Variants in MMRN1 observed in about 807,000 individuals in gnomAD.
MMRN1 encodes the protein multimerin-1.
MMRN1 carries 94 observed loss-of-function variants against 100.7 expected under a neutral mutation model. That is an observed-to-expected ratio of 0.93 (90% CI 0.79 to 1.11). The LOEUF (loss-of-function observed/expected upper bound fraction) is 1.11. Among genes scored for constraint, MMRN1 ranks in the 50% least tolerant of loss-of-function variants. MMRN1 has a pLI of 0.00. For synonymous variants in MMRN1, 575 were observed against 505.0 expected, an observed-to-expected ratio of 1.14 and a Z score of -1.86; for missense variants, 1,606 against 1,439.1, an observed-to-expected ratio of 1.12 and a Z score of -1.88.
chr4:89,886,336 T>C (rs1410166033), intron 1 of MMRN1, among the ~76,000 whole-genome samples: 5 of 152,188 alleles, frequency 3.3e-5, no homozygotes, highest in African/African-American at 4.8e-5. Context: ...TATTGTTTCA[T>C]TTAAAATATT....
In MMRN1 at chr4:89,953,397, CTATTTAT is replaced by C; in HGVS notation, c.3670_3676del (p.Leu1224IlefsTer7). 2 of 1,607,732 alleles carry C rather than the reference CTATTTAT, an allele frequency of 1.2e-6. No individual in the cohort carries two copies. Among genetic ancestry groups the C allele is most frequent in the Non-Finnish European group, 1.7e-6 (2 of 1,177,454 alleles). ...TTCCCCCTGTTACTACATTTAGTGG[CTATTTAT>C]TATATCGTACATAAGTTAGTATGAA... is the stretch of plus-strand genomic sequence containing the variant. On this transcript the variant is annotated frameshift_variant, in exon 8 of 8. Transcript: ENST00000264790. LOFTEE classifies it high-confidence loss of function.
intron 6 of MMRN1, among the ~76,000 whole-genome samples, chr4:89,941,677 C>A (rs1481072959): frequency 1.3e-5 from 2 of 152,104 alleles, no homozygotes; most frequent in African/African-American, 4.8e-5. Flanking sequence ...GGAGAGAAGT[C>A]AAGTTCCCAG....
chr4:89,890,965 C>T (rs1302153876), upstream of MMRN1, among the ~76,000 whole-genome samples: 1 of 151,850 alleles, frequency 6.6e-6, no homozygotes, highest in African/African-American at 2.4e-5. Context: ...TTCCTGCCAG[C>T]CCACTCAAAC....
At position 89,895,559 on chromosome 4, in the gene MMRN1, C is replaced by A. The variant is rs1299658681; in HGVS notation, c.588C>A (p.Asp196Glu). Residue 196 changes from aspartate to glutamate, a missense_variant, in exon 1 of 8, where the codon GAC (aspartate) becomes GAA (glutamate). Asp to Glu is a conservative substitution (Grantham distance 45, BLOSUM62 2). Coordinates refer to ENST00000264790, the MANE Select transcript of MMRN1 (RefSeq NM_007351.3). ...ACAGCAGTTCCAGCCAAAGAACTGA[C>A]TACCAAAAATCAAATTTCGAAACAA... is the stretch of plus-strand genomic sequence containing the variant. Reference protein sequence around the residue: ...RGDSSSSQRTDYQKSNFETTR... With the variant: ...RGDSSSSQRTEYQKSNFETTR... 6.2e-7 allele frequency: 1 copy of A among 1,613,484 alleles called. No individual in the cohort carries two copies. The highest frequency in any genetic ancestry group is 8.5e-7 in the Non-Finnish European group (1 of 1,179,764).
chr4:89,892,906 C>T (rs918131010), upstream of MMRN1, among the ~76,000 whole-genome samples: 2 of 151,978 alleles, frequency 1.3e-5, no homozygotes, highest in Non-Finnish European at 2.9e-5. Flanking sequence ...ATTATTTTGG[C>T]AGTTTTGTAA....
intron 4 of MMRN1, among the ~76,000 whole-genome samples, chr4:89,924,953 T>A (rs1462016315): frequency 1.3e-5 from 2 of 152,164 alleles, no homozygotes; most frequent in African/African-American, 4.8e-5. Flanking sequence ...CAATGTGTAA[T>A]AATCACATAA....
chr4:89,936,770 A>G lies in MMRN1; in HGVS notation c.3090A>G (p.Gln1030=). ...CCACAGTCCTGATAGGCCGGACTCA[A>G]AGAAACACGGACAACATAATATATC... ...NLTTVLIGRT[Q]RNTDNIIYPE... is the part of the protein sequence containing the mutation. Residue 1030 remains glutamine (Q), a synonymous_variant, in exon 6 of 8, where the codon CAA becomes CAG. Transcript: ENST00000264790. 6.2e-7 allele frequency: 1 copy of G among 1,602,016 alleles called. No homozygotes were observed. The highest frequency in any genetic ancestry group is 2.2e-5 in the East Asian group (1 of 44,808).
chr4:89,928,098 TTAA>T (rs1722324483), intron 5 of MMRN1, 130 bp downstream of exon 5: 1 of 629,814 alleles, frequency 1.6e-6, no homozygotes, highest in Non-Finnish European at 2.6e-6. Context: ...AAGATTTTTT[TTAA>T]TGAGATATAA....
intron 6 of MMRN1, among the ~76,000 whole-genome samples, chr4:89,942,208 CTACTTCCCAACAA>C (rs1242458843): frequency 3.9e-5 from 6 of 152,164 alleles, no homozygotes; most frequent in African/African-American, 1.4e-4. Context: ...ATCACAGGAG[CTACTTCCCAACAA>C]TAGACGATTT....
chr4:89,916,870 T>C (rs1439391747), intron 3 of MMRN1, among the ~76,000 whole-genome samples: 1 of 151,826 alleles, frequency 6.6e-6, no homozygotes, highest in Non-Finnish European at 1.5e-5. Flanking sequence ...TCTCAAATTC[T>C]TTTGACCCTG....
At chr4:89,887,656 T>A (rs1045180092) in intron 1 of MMRN1, among the ~76,000 whole-genome samples, 1 of 152,078 alleles carries the variant, frequency 6.6e-6, no homozygotes, top group Non-Finnish European at 1.5e-5. Context: ...ACATTGATTT[T>A]TAAACTACAT....
intron 3 of MMRN1, among the ~76,000 whole-genome samples, chr4:89,915,606 A>G (rs892094574): frequency 2.6e-5 from 4 of 151,538 alleles, no homozygotes; most frequent in African/African-American, 9.7e-5. Context: ...AATTAAAAAA[A>G]AAAGCATCTA....
chr4:89,936,516 C>T lies in MMRN1; in HGVS notation c.2836C>T (p.Pro946Ser). The T allele has an allele frequency of 1.9e-6, 3 of 1,613,122 alleles. No homozygotes were observed. The highest frequency in any genetic ancestry group is 2.5e-6 in the Non-Finnish European group (3 of 1,179,666). ...TSVSELNATI[P>S]KWIKHSLPDI... ...TGTGTCAGAACTGAATGCTACCATC[C>T]CTAAGTGGATAAAACATTCCCTGCC... is the stretch of plus-strand genomic sequence containing the variant. Residue 946 changes from proline (P) to serine (S), a missense_variant, in exon 6 of 8, where the codon CCT becomes TCT. By Grantham distance (74) the Pro-to-Ser change is moderately conservative. Transcript: ENST00000264790.
In MMRN1 at chr4:89,935,743, T is replaced by C. The variant is rs199686457; in HGVS notation, c.2063T>C (p.Leu688Pro). 1.6e-5 allele frequency: 25 copies of C among 1,611,768 alleles called. No homozygotes were observed. In the Admixed American group the frequency reaches 4.2e-4, roughly 27 times the overall value. ...AATCTGACTAGTGCTGTCAATAGTC[T>C]AAATTTTATTATCAAAGAACTTACA... The part of the protein sequence containing the change: ...IENLTSAVNS[L>P]NFIIKELTKR... Residue 688 changes from leucine (L) to proline (P), a missense_variant, in exon 6 of 8, where the codon CTA becomes CCA. Transcript: ENST00000264790.
At chr4:89,944,710 G>T (rs1722934344) in intron 6 of MMRN1, among the ~76,000 whole-genome samples, 1 of 152,100 alleles carries the variant, frequency 6.6e-6, no homozygotes, top group Non-Finnish European at 1.5e-5. Flanking sequence ...AAATCAAAGA[G>T]CAGGGAGATT....
chr4:89,912,698 A>G (rs1721793367), intron 3 of MMRN1, among the ~76,000 whole-genome samples: 1 of 151,250 alleles, frequency 6.6e-6, no homozygotes, highest in Non-Finnish European at 1.5e-5. Context: ...ATCAGCATAC[A>G]TATTTTAAAT....
intron 6 of MMRN1, 85 bp from the exon 7 acceptor site, chr4:89,951,520 C>T: frequency 1.5e-6 from 2 of 1,354,778 alleles, no homozygotes; most frequent in Non-Finnish European, 1.9e-6. Flanking sequence ...AGTCTTTTTC[C>T]TATTCTGCTG....
Position 89,935,774 on chromosome 4 carries a change from A to G in MMRN1, c.2094A>G (p.Arg698=), listed in dbSNP as rs1722606278. 2 of 1,612,732 alleles carry G rather than the reference A, an allele frequency of 1.2e-6. No homozygotes were observed. Among genetic ancestry groups the G allele is most frequent in the Non-Finnish European group, 1.7e-6 (2 of 1,179,518 alleles). The part of the protein sequence containing the change: ...LNFIIKELTK[R]HNLLRNEVQG... The stretch of plus-strand genomic sequence containing the variant: ...TTATTATCAAAGAACTTACAAAAAG[A>G]CACAACTTACTTAGAAATGAAGTAC... Residue 698 remains arginine (R), a synonymous_variant, in exon 6 of 8, where the codon AGA becomes AGG. Transcript: ENST00000264790.
At chr4:89,952,902 C>CT (rs1431054277) in intron 7 of MMRN1, 95 bp from the exon 8 acceptor site, 2 of 1,267,084 alleles carry the variant, frequency 1.6e-6, no homozygotes, top group Admixed American at 2.4e-5. Flanking sequence ...TCTGCTAAGA[C>CT]TTTTTGTAAC....
Sources: allele counts gnomAD v4.1 joint callset (sites outside exome capture counted in the v4.1 genomes callset), GRCh38; gene constraint gnomAD v4.1.1; transcripts MANE v1.5; gene names NCBI Gene and HGNC (gene_info 2026-07-23, HGNC 2026-07-21).